LRRFIP1: variants seen among roughly 807,000 people sequenced by gnomAD.
LRRFIP1 encodes leucine-rich repeat flightless-interacting protein 1.
A neutral mutation model predicts 104.4 loss-of-function variants in LRRFIP1; 62 were observed. That is an observed-to-expected ratio of 0.59 (90% CI 0.48 to 0.73). The LOEUF (loss-of-function observed/expected upper bound fraction) is 0.73. LRRFIP1 is among the 30% of genes least tolerant of loss of function. LRRFIP1 has a pLI of 0.00. For synonymous variants in LRRFIP1, 300 were observed against 299.0 expected (o/e 1.00, Z -0.03); for missense variants, 796 against 824.5 (o/e 0.97, Z 0.42).
At chr2:237,632,074 C>T (rs544920270) in intron 1 of LRRFIP1, among the ~76,000 whole-genome samples, 41 of 152,262 alleles carry the variant, frequency 2.7e-4, no homozygotes, top group African/African-American at 8.4e-4. Context: ...TCACAGCCAC[C>T]GCCTTTCACT....
chr2:237,747,722 T>G (rs1372950401), intron 11 of LRRFIP1, among the ~76,000 whole-genome samples: 1 of 152,140 alleles, frequency 6.6e-6, no homozygotes, highest in Non-Finnish European at 1.5e-5. Context: ...CTACGGGAAG[T>G]TGGGTTGAAG....
chr2:237,771,841 C>T (rs1453597524), intron 20 of LRRFIP1: 4 of 463,166 alleles, frequency 8.6e-6, no homozygotes, highest in African/African-American at 3.9e-5. Context: ...ATTTCATGTA[C>T]AGTCTCCTCC....
intron 1 of LRRFIP1, among the ~76,000 whole-genome samples, chr2:237,645,411 G>A (rs534404315): frequency 7.2e-5 from 11 of 152,082 alleles, no homozygotes; most frequent in African/African-American, 4.8e-5. Context: ...AAACACCTTT[G>A]AGTGGTCTGC....
rs2092894805 is a variant in LRRFIP1, at chr2:237,692,669, G to A, written c.97-15875G>A. The A allele has an allele frequency of 7.0e-6, 8 of 1,147,144 alleles. No individual in the cohort carries two copies. The East Asian group carries it at 2.3e-4, about 32-fold the overall frequency. 71.1% of individuals were successfully genotyped at this position (1,147,144 alleles called of 1,614,324 possible). ...GGACCCCAGCGCGGTGGGAGCGGGCGCAGTGGGCGCGGGTCCGTGAGTGGC... is the reference window on the plus strand; with the variant it reads ...GGACCCCAGCGCGGTGGGAGCGGGCACAGTGGGCGCGGGTCCGTGAGTGGC... On this transcript the variant is annotated intron_variant, in intron 1 of 23. Coordinates refer to ENST00000308482, the MANE Select transcript of LRRFIP1 (RefSeq NM_001137550.2).
At chr2:237,679,697 C>T (rs547142912) in intron 1 of LRRFIP1, among the ~76,000 whole-genome samples, 2 of 152,268 alleles carry the variant, frequency 1.3e-5, no homozygotes, top group African/African-American at 4.8e-5. Context: ...CAACCTCTGC[C>T]AACTGAGTTC....
At chr2:237,698,615 C>T (rs1209568387) in intron 1 of LRRFIP1, among the ~76,000 whole-genome samples, 1 of 152,246 alleles carries the variant, frequency 6.6e-6, no homozygotes, top group African/African-American at 2.4e-5. Flanking sequence ...TTACCGTAAA[C>T]TTTCATGGTA....
intron 10 of LRRFIP1, 134 bp from the exon 11 acceptor site, chr2:237,739,098 T>C (rs1276534339): frequency 1.5e-6 from 1 of 688,020 alleles, no homozygotes; most frequent in Non-Finnish European, 2.5e-6. Flanking sequence ...CCTAACTCTC[T>C]TTTCCTTGCC....
At chr2:237,666,781 C>CTCTTTCTT (rs1415526190) in intron 1 of LRRFIP1, among the ~76,000 whole-genome samples, 1 of 61,050 alleles carries the variant, frequency 1.6e-5, no homozygotes, top group Non-Finnish European at 3.8e-5. Context: ...TTCTCTCTGT[C>CTCTTTCTT]TCTTTCTTTC....
chr2:237,705,610 G>A (rs1441185301), intron 1 of LRRFIP1, among the ~76,000 whole-genome samples: 1 of 152,000 alleles, frequency 6.6e-6, no homozygotes, highest in African/African-American at 2.4e-5. Context: ...GTTACAATGA[G>A]CTGTGATCAC....
intron 5 of LRRFIP1, 114 bp from the exon 6 acceptor site, chr2:237,720,658 C>T (rs2094505274): frequency 3.5e-6 from 3 of 861,208 alleles, no homozygotes; most frequent in Middle Eastern, 2.9e-4. Context: ...TGGCTGGCCC[C>T]CTCACTGCTG....
chr2:237,767,061 T>G (rs965735534), intron 19 of LRRFIP1, among the ~76,000 whole-genome samples: 1 of 152,086 alleles, frequency 6.6e-6, no homozygotes, highest in Non-Finnish European at 1.5e-5. Flanking sequence ...TGTAGTCCCA[T>G]GTAGTCCCAG....
chr2:237,776,953 T>C (rs1291631913), intron 23 of LRRFIP1, among the ~76,000 whole-genome samples: 1 of 152,208 alleles, frequency 6.6e-6, no homozygotes, highest in African/African-American at 2.4e-5. Context: ...CTTTTGTGTG[T>C]CATTTTTCTC....
At chr2:237,692,754 A>C (rs1032798095) in intron 1 of LRRFIP1, among the ~76,000 whole-genome samples, 2 of 152,222 alleles carry the variant, frequency 1.3e-5, no homozygotes, top group African/African-American at 2.4e-5. Flanking sequence ...CGCCACCTCC[A>C]AGGACGAAAA....
intron 1 of LRRFIP1, among the ~76,000 whole-genome samples, chr2:237,638,080 G>A (rs77418080): frequency 0.012 from 1,803 of 152,232 alleles, 12 homozygotes; most frequent in Middle Eastern, 0.031. Flanking sequence ...GATGATTCCA[G>A]CACATTACAT....
At chr2:237,657,334 G>T (rs1226798236) in intron 1 of LRRFIP1, among the ~76,000 whole-genome samples, 1 of 152,168 alleles carries the variant, frequency 6.6e-6, no homozygotes, top group Non-Finnish European at 1.5e-5. Context: ...ATGGAACAAT[G>T]AATATTTTCA....
chr2:237,714,622 A>C (rs2094249492), intron 3 of LRRFIP1, among the ~76,000 whole-genome samples: 1 of 152,252 alleles, frequency 6.6e-6, no homozygotes, highest in African/African-American at 2.4e-5. Flanking sequence ...AAAGAAAAAG[A>C]TGATTTTATT....
intron 3 of LRRFIP1, among the ~76,000 whole-genome samples, chr2:237,715,594 A>G (rs2094297768): frequency 6.6e-6 from 1 of 152,244 alleles, no homozygotes; most frequent in South Asian, 2.1e-4. Context: ...GGAGGAGCAG[A>G]GGCACAGTTT....
At chr2:237,743,780 C>T (rs2057436016) in intron 11 of LRRFIP1, among the ~76,000 whole-genome samples, 1 of 152,106 alleles carries the variant, frequency 6.6e-6, no homozygotes, top group South Asian at 2.1e-4. Context: ...GCAAAGGTGC[C>T]TCGAGAGAGC....
chr2:237,769,039 C>G (rs1330208907), intron 19 of LRRFIP1: 1 of 152,240 alleles, frequency 6.6e-6, no homozygotes, highest in Non-Finnish European at 1.5e-5. Flanking sequence ...GGTTCTGGGC[C>G]TCTGAGCCTC....
Sources: allele counts gnomAD v4.1 joint callset (sites outside exome capture counted in the v4.1 genomes callset), GRCh38; gene constraint gnomAD v4.1.1; transcripts MANE v1.5; gene names NCBI Gene and HGNC (gene_info 2026-07-23, HGNC 2026-07-21).